Variants in CBFA2T2 observed in about 807,000 individuals in gnomAD.
CBFA2T2 encodes the protein protein CBFA2T2.
In CBFA2T2, 11 loss-of-function variants were observed where a neutral mutation model predicts 62.2. That is an observed-to-expected ratio of 0.18 (90% CI 0.11 to 0.29). The LOEUF is 0.29. CBFA2T2 is among the 10% of genes least tolerant of loss of function. CBFA2T2 has a pLI of 1.00. For synonymous variants in CBFA2T2, 295 were observed against 287.5 expected, an observed-to-expected ratio of 1.03 and a Z score of -0.27; for missense variants, 592 against 774.1, an observed-to-expected ratio of 0.76 and a Z score of 2.79.
At chr20:33,509,731 G>A (rs1199054965) in intron 1 of CBFA2T2, among the ~76,000 whole-genome samples, 1 of 151,986 alleles carries the variant, frequency 6.6e-6, no homozygotes, top group African/African-American at 2.4e-5. Context: ...TGGGAGGCTA[G>A]GGCAAGAGAA....
chr20:33,632,514 G>A (rs2016489734), intron 8 of CBFA2T2, among the ~76,000 whole-genome samples: 1 of 148,976 alleles, frequency 6.7e-6, no homozygotes, highest in Admixed American at 6.8e-5. Context: ...TGTTGCCCAG[G>A]CTGGAGTGCA....
chr20:33,546,503 C>T (rs547619930), intron 1 of CBFA2T2, among the ~76,000 whole-genome samples: 16 of 151,102 alleles, frequency 1.1e-4, no homozygotes, highest in Non-Finnish European at 2.1e-4. Context: ...AGGATCACGG[C>T]TCACTGCAAC....
intron 1 of CBFA2T2, among the ~76,000 whole-genome samples, chr20:33,587,253 A>AT (rs537548967): frequency 2.7e-4 from 38 of 138,994 alleles, no homozygotes; most frequent in South Asian, 1.2e-3. Context: ...TTTGTTTTTT[A>AT]TTTTTTTGTT....
At chr20:33,612,866 G>T (rs1429528776) in intron 3 of CBFA2T2, among the ~76,000 whole-genome samples, 1 of 152,166 alleles carries the variant, frequency 6.6e-6, no homozygotes, top group African/African-American at 2.4e-5. Flanking sequence ...TGGGAGGATT[G>T]CTTGGATGCA....
intron 1 of CBFA2T2, among the ~76,000 whole-genome samples, chr20:33,569,287 C>T (rs1343116997): frequency 6.6e-6 from 1 of 152,168 alleles, no homozygotes; most frequent in African/African-American, 2.4e-5. Context: ...TGGGAGAAAA[C>T]AACATGCAGT....
chr20:33,559,150 T>C (rs1331674374), intron 1 of CBFA2T2, among the ~76,000 whole-genome samples: 1 of 151,522 alleles, frequency 6.6e-6, no homozygotes. Flanking sequence ...TTTCAATCAA[T>C]TGCAGCTTCT....
chr20:33,638,417 T>G (rs1212603554), intron 9 of CBFA2T2, among the ~76,000 whole-genome samples: 1 of 152,190 alleles, frequency 6.6e-6, no homozygotes, highest in Admixed American at 6.5e-5. Context: ...TCTGTGACCT[T>G]AGACGACCTC....
intron 9 of CBFA2T2, among the ~76,000 whole-genome samples, chr20:33,638,406 A>G (rs2016705365): frequency 6.6e-6 from 1 of 152,220 alleles, no homozygotes; most frequent in Admixed American, 6.5e-5. Flanking sequence ...CTACAGTGCC[A>G]TCTGTGACCT....
In CBFA2T2 at chr20:33,596,864, A is replaced by T. The variant is rs80194620; in HGVS notation, c.35-10092A>T. Among the ~76,000 whole-genome samples, 33 of 150,158 alleles carry T rather than the reference A, an allele frequency of 2.2e-4. No homozygotes were observed. The East Asian group carries it at 6.3e-3, about 28-fold the overall frequency. ...AGTTCCTCCTTCTTAGTAAATGGTA[A>T]CTTCATCCTTCCAGTTGCTTAGGCT... On this transcript the variant is annotated intron_variant, in intron 1 of 10. Transcript: ENST00000342704.
intron 1 of CBFA2T2, among the ~76,000 whole-genome samples, chr20:33,564,606 T>A (rs1407867630): frequency 6.6e-6 from 1 of 152,002 alleles, no homozygotes; most frequent in Non-Finnish European, 1.5e-5. Flanking sequence ...GGACATGGTC[T>A]CAAACTCTGT....
Position 33,607,390 on chromosome 20 carries a change from A to T in CBFA2T2, c.178+291A>T, listed in dbSNP as rs2015380265. On this transcript the variant is annotated intron_variant, in intron 2 of 10. Transcript: ENST00000342704. ...AACAATAATGAATTTAAATTATTATATTGCCTTATGGGATTCCAAGTAAGT... is the reference window on the plus strand; with the variant it reads ...AACAATAATGAATTTAAATTATTATTTTGCCTTATGGGATTCCAAGTAAGT... Among the ~76,000 whole-genome samples the T allele has an allele frequency of 2.0e-5, 3 of 152,184 alleles. No individual in the cohort carries two copies. The South Asian group carries it at 6.2e-4, about 32-fold the overall frequency.
chr20:33,636,200 A>C (rs1016504863), intron 8 of CBFA2T2, among the ~76,000 whole-genome samples: 2 of 148,878 alleles, frequency 1.3e-5, no homozygotes, highest in Non-Finnish European at 3.0e-5. Flanking sequence ...CAGAGGTTGC[A>C]GTGAGCCAAG....
chr20:33,574,550 G>C (rs1004810350), intron 1 of CBFA2T2, among the ~76,000 whole-genome samples: 1 of 152,142 alleles, frequency 6.6e-6, no homozygotes, highest in African/African-American at 2.4e-5. Flanking sequence ...GCTTGAACCC[G>C]GGAGGCAGAG....
At chr20:33,514,206 GTTTTTT>G (rs1196003433) in intron 1 of CBFA2T2, among the ~76,000 whole-genome samples, 1 of 53,330 alleles carries the variant, frequency 1.9e-5, no homozygotes, top group Non-Finnish European at 3.5e-5. Flanking sequence ...CCCTGCCTTT[GTTTTTT>G]TTTTTTTTTT....
At chr20:33,512,980 CTGACCT>C (rs1306791944) in intron 1 of CBFA2T2, among the ~76,000 whole-genome samples, 2 of 152,036 alleles carry the variant, frequency 1.3e-5, no homozygotes, top group Non-Finnish European at 2.9e-5. Flanking sequence ...TCTCGATCTC[CTGACCT>C]TGTGATCCAC....
chr20:33,605,206 G>T lies in CBFA2T2; in HGVS notation c.35-1750G>T, dbSNP rs138377085. On this transcript the variant is annotated intron_variant, in intron 1 of 10. Transcript: ENST00000342704. ...TTGTGTCCCATCAATGCACAAAAAT[G>T]TTCCTTGTTGCCAGGATCGTGAACA... Among the ~76,000 whole-genome samples the T allele has an allele frequency of 7.3e-3, 1,115 of 152,300 alleles. 18 individuals are homozygous for T. The highest frequency in any genetic ancestry group is 0.026 in the African/African-American group (1,077 of 41,556).
At chr20:33,562,716 A>G (rs2013134009) in intron 1 of CBFA2T2, 4 of 973,978 alleles carry the variant, frequency 4.1e-6, no homozygotes, top group South Asian at 9.5e-5. Flanking sequence ...AAAGTGCACA[A>G]TTCTCTGCCT....
chr20:33,513,943 C>T (rs1184016988), intron 1 of CBFA2T2, among the ~76,000 whole-genome samples: 3 of 151,000 alleles, frequency 2.0e-5, no homozygotes, highest in Non-Finnish European at 4.4e-5. Context: ...GTCTTTTGCC[C>T]AGGCTGGAGT....
At chr20:33,598,261 C>G (rs984286793) in intron 1 of CBFA2T2, among the ~76,000 whole-genome samples, 3 of 152,140 alleles carry the variant, frequency 2.0e-5, no homozygotes, top group Non-Finnish European at 4.4e-5. Context: ...CGGGAATTTC[C>G]TCTTCCTAAT....
Sources: allele counts gnomAD v4.1 joint callset (sites outside exome capture counted in the v4.1 genomes callset), GRCh38; gene constraint gnomAD v4.1.1; transcripts MANE v1.5; gene names NCBI Gene and HGNC (gene_info 2026-07-23, HGNC 2026-07-21).